SLC47A2: variants seen among roughly 807,000 people sequenced by gnomAD.
SLC47A2 encodes the protein multidrug and toxin extrusion protein 2.
Under a neutral mutation model 67.7 loss-of-function variants are expected in SLC47A2, and 52 were observed. The ratio of observed to expected loss-of-function variants is 0.77; its 90% CI spans 0.61 to 0.97. SLC47A2 has a LOEUF of 0.97. Among genes scored for constraint, SLC47A2 ranks in the 50% least tolerant of loss-of-function variants. SLC47A2 has a pLI of 0.00. For missense variants in SLC47A2, 676 were observed against 712.3 expected (o/e 0.95, Z 0.58); for synonymous variants, 278 against 292.9 (o/e 0.95, Z 0.52).
Position 19,713,857 on chromosome 17 carries a change from C to A in SLC47A2, c.411G>T (p.Leu137=), listed in dbSNP as rs752519764. 6.2e-7 allele frequency: 1 copy of A among 1,613,450 alleles called. No individual in the cohort carries two copies. The highest frequency in any genetic ancestry group is 1.1e-5 in the South Asian group (1 of 91,044). Residue 137 remains leucine (L), a synonymous_variant, in exon 4 of 17, where the codon CTG becomes CTT. Coordinates refer to ENST00000433844, the MANE Select transcript of SLC47A2 (RefSeq NM_001099646.3). ...WALFLNTQHI[L]LLFRQDPDVS... ...CGTCCGGGTCCTGCCGGAAGAGCAG[C>A]AGGATGTGCTGGGTGTTGAGGAAGA...
chr17:19,716,688 T>G, upstream of SLC47A2: 1 of 1,324,924 alleles, frequency 7.5e-7, no homozygotes, highest in Non-Finnish European at 9.9e-7. Flanking sequence ...GAGGAGGGGC[T>G]ACCATGGCAA....
chr17:19,704,399 C>T (rs1026146829), intron 10 of SLC47A2, among the ~76,000 whole-genome samples: 2 of 152,268 alleles, frequency 1.3e-5, no homozygotes, highest in South Asian at 2.1e-4. Flanking sequence ...AGTCCCACCA[C>T]CACCTGCGCC....
At chr17:19,714,644 C>T (rs2086199936) in intron 3 of SLC47A2, 77 bp downstream of exon 3, 1 of 1,542,382 alleles carries the variant, frequency 6.5e-7, no homozygotes, top group South Asian at 1.1e-5. Flanking sequence ...GCCCCTCCCA[C>T]CTGCCATCTC....
chr17:19,679,377 C>T (rs1397821495), intron 16 of SLC47A2, among the ~76,000 whole-genome samples: 1 of 152,216 alleles, frequency 6.6e-6, no homozygotes, highest in East Asian at 1.9e-4. Flanking sequence ...GCCTGGCACT[C>T]AGGACCAGCC....
upstream of SLC47A2, chr17:19,716,624 C>A (rs752188459): frequency 2.0e-6 from 3 of 1,487,516 alleles, no homozygotes; most frequent in South Asian, 2.8e-5. Context: ...CAGCGAGCCA[C>A]CCCCTGCCTG....
chr17:19,681,540 A>G lies in SLC47A2; in HGVS notation c.1295T>C (p.Met432Thr), dbSNP rs150768699. The G allele has an allele frequency of 2.7e-5, 44 of 1,614,016 alleles. No individual in the cohort carries two copies. The highest frequency in any genetic ancestry group is 3.7e-5 in the Non-Finnish European group (44 of 1,180,022). Residue 432 changes from methionine to threonine, a missense_variant and splice_region_variant, in exon 14 of 17, where the codon ATG (methionine) becomes ACG (threonine). By Grantham distance (81) the Met-to-Thr change is moderately conservative. Coordinates refer to ENST00000433844, the MANE Select transcript of SLC47A2 (RefSeq NM_001099646.3). ...CCCGACTTCCTCACACCACATACCC[A>G]TGATTCTCATTCTGACCACAAAGGT... ...LLTFVVRMRI[M>T]GLWLGMLACV...
intron 13 of SLC47A2, among the ~76,000 whole-genome samples, chr17:19,683,016 G>A (rs1359504686): frequency 6.6e-6 from 1 of 152,134 alleles, no homozygotes; most frequent in African/African-American, 2.4e-5. Context: ...TTTGTGGTTT[G>A]TACACATTTG....
chr17:19,704,097 A>C lies in SLC47A2; in HGVS notation c.991T>G (p.Ser331Ala). 1 of 1,610,852 alleles carries C rather than the reference A, an allele frequency of 6.2e-7. No homozygotes were observed. The highest frequency in any genetic ancestry group is 8.5e-7 in the Non-Finnish European group (1 of 1,179,546). ...ATGCTGAGCACGCCCGAGACGGCCG[A>C]GCGCTTGGCCTGCACAGTATCCGCA... ...GAADTVQAKRSAVSGVLSIVG... is the reference protein window; with the variant it reads ...GAADTVQAKRAAVSGVLSIVG... Residue 331 changes from serine to alanine, a missense_variant, in exon 11 of 17, where the codon TCG becomes GCG. Physicochemically the swap from Ser to Ala is moderately conservative, Grantham distance 99. Transcript: ENST00000433844.
chr17:19,714,963 G>T lies in SLC47A2; in HGVS notation c.225+153C>A, dbSNP rs547730521. On this transcript the variant is annotated intron_variant, in intron 2 of 16. Transcript: ENST00000433844. ...CCAGGGCCAGACCGCCTCCATCTCC[G>T]GCCCTCAGGTTCCACCTGTGAAGGC... 8.9e-6 allele frequency: 11 copies of T among 1,230,776 alleles called. 1 individual carries two copies. The highest frequency in any genetic ancestry group is 1.3e-5 in the Non-Finnish European group (11 of 853,824). 76.2% of individuals were successfully genotyped at this position (1,230,776 alleles called of 1,614,324 possible).
chr17:19,708,764 T>C lies in SLC47A2; in HGVS notation c.487-4A>G, dbSNP rs772233556. 2 of 1,613,964 alleles carry C rather than the reference T, an allele frequency of 1.2e-6. No homozygotes were observed. Among genetic ancestry groups the C allele is most frequent in the South Asian group, 2.2e-5 (2 of 91,076 alleles). On this transcript the variant is annotated splice_region_variant and splice_polypyrimidine_tract_variant and intron_variant, in intron 5 of 16. Transcript: ENST00000433844. Reference sequence around the variant, plus strand: ...GCAGATTGTAAAGAAAAATCACCTGTATGAAAAGCAAACCCAAACAAATCA... The same window carrying C: ...GCAGATTGTAAAGAAAAATCACCTGCATGAAAAGCAAACCCAAACAAATCA...
chr17:19,695,043 A>G (rs1049980960), intron 13 of SLC47A2, among the ~76,000 whole-genome samples: 1 of 152,128 alleles, frequency 6.6e-6, no homozygotes, highest in Non-Finnish European at 1.5e-5. Context: ...ATAAAATAGC[A>G]AAAGCATGAG....
rs960754264 is a variant in SLC47A2, at chr17:19,716,304, C to G, written c.123+129G>C. On this transcript the variant is annotated intron_variant, in intron 1 of 16. Coordinates refer to ENST00000433844, the MANE Select transcript of SLC47A2 (RefSeq NM_001099646.3). ...CATCCTGCTGTCCCCAGACTCTGGACCTGGCAGTCAACATGGGCAGTTTCT... is the reference window on the plus strand; with the variant it reads ...CATCCTGCTGTCCCCAGACTCTGGAGCTGGCAGTCAACATGGGCAGTTTCT... 2.1e-5 allele frequency: 29 copies of G among 1,389,268 alleles called. No homozygotes were observed. In the African/African-American group the frequency reaches 3.8e-4, roughly 18 times the overall value. The allele number at this position is 1,389,268 out of a possible 1,614,324, so 86.1% of individuals were successfully genotyped here.
At position 19,700,763 on chromosome 17, in the gene SLC47A2, CAA is replaced by C. The variant is rs67005913; in HGVS notation, c.1164+1840_1164+1841del. ...CTGGGTGACAGAGTGAGACCTGTCT[CAA>C]AAAAAAAAAAAAAAAAGCAAAGCTA... On this transcript the variant is annotated intron_variant, in intron 13 of 16. Transcript: ENST00000433844. 3.7e-3 allele frequency among the ~76,000 whole-genome samples: 318 copies of C among 86,402 alleles called. 1 individual carries two copies. The East Asian group carries it at 0.059, about 16-fold the overall frequency. The allele number at this position is 86,402 out of a possible 152,430, so 56.7% of individuals were successfully genotyped here. A position where few individuals can be genotyped will look rare whatever the true frequency, so the allele number is the denominator to read the frequency against.
intron 12 of SLC47A2, 135 bp downstream of exon 12, chr17:19,702,957 T>C: frequency 2.0e-6 from 2 of 1,023,992 alleles, no homozygotes; most frequent in Non-Finnish European, 2.9e-6. Context: ...TGGCTTCCTC[T>C]CAGTGAGAGC....
chr17:19,713,957 T>C lies in SLC47A2; in HGVS notation c.311A>G (p.Asn104Ser), dbSNP rs747552230. The C allele has an allele frequency of 1.4e-5, 22 of 1,612,770 alleles. No homozygotes were observed. Among genetic ancestry groups the C allele is most frequent in the South Asian group, 9.9e-5 (9 of 91,014 alleles). Residue 104 changes from asparagine (N) to serine (S), a missense_variant, in exon 4 of 17, where the codon AAC becomes AGC. Transcript: ENST00000433844. ...TLMSQSFGSP[N>S]KKHVGVILQR... ...CAGGATCACGCCCACGTGCTTCTTG[T>C]TGGGGCTGCCGAAGCTCTGCAAAAC...
chr17:19,708,207 G>C (rs1264159561), intron 7 of SLC47A2, 95 bp downstream of exon 7: 6 of 1,410,260 alleles, frequency 4.3e-6, no homozygotes, highest in Non-Finnish European at 5.9e-6. Context: ...GACGGCACAG[G>C]CAGGGCCAGG....
chr17:19,689,699 A>G (rs895297230), intron 13 of SLC47A2, among the ~76,000 whole-genome samples: 2 of 150,372 alleles, frequency 1.3e-5, no homozygotes, highest in Non-Finnish European at 3.0e-5. Flanking sequence ...CTTGTCTCAA[A>G]AAAAAAAAAA....
chr17:19,714,545 G>C, intron 3 of SLC47A2, 176 bp downstream of exon 3: 1 of 709,276 alleles, frequency 1.4e-6, no homozygotes, highest in Non-Finnish European at 2.5e-6. Context: ...TCAAAGGGGA[G>C]GGTCTGTTTC....
chr17:19,713,904 A>G lies in SLC47A2; in HGVS notation c.364T>C (p.Cys122Arg), dbSNP rs576543474. The G allele has an allele frequency of 6.2e-7, 1 of 1,613,790 alleles. No homozygotes were observed. Among genetic ancestry groups the G allele is most frequent in the South Asian group, 1.1e-5 (1 of 91,078 alleles). ...AAGAGCGCCCAGCAAGGGAGGCAGC[A>G]GAGGAGCAGGACCAGCGCGCCCCGC... ...LQRGALVLLL[C>R]CLPCWALFLN... is the part of the protein sequence containing the mutation. The change falls in exon 4 of 17, where the codon TGC (cysteine) becomes CGC (arginine). Residue 122 changes from cysteine (C) to arginine (R), a missense_variant. By Grantham distance (180) the Cys-to-Arg change is radical. Transcript: ENST00000433844.
Sources: allele counts gnomAD v4.1 joint callset (sites outside exome capture counted in the v4.1 genomes callset), GRCh38; gene constraint gnomAD v4.1.1; transcripts MANE v1.5; gene names NCBI Gene and HGNC (gene_info 2026-07-23, HGNC 2026-07-21).